LMNTD1: variants seen among roughly 807,000 people sequenced by gnomAD.
The protein encoded by LMNTD1 is lamin tail domain-containing protein 1.
In LMNTD1, 35 loss-of-function variants were observed where a neutral mutation model predicts 50.9. That is an observed-to-expected ratio of 0.69 (90% CI 0.53 to 0.91). The LOEUF (loss-of-function observed/expected upper bound fraction) is 0.91, where lower values mean the gene tolerates loss of function less well. LMNTD1 is among the 40% of genes least tolerant of loss of function. The probability of loss-of-function intolerance (pLI) is 0.00; values close to 1 mark genes in which losing one functional copy is unlikely to be tolerated. For missense variants in LMNTD1, 470 were observed against 475.5 expected (o/e 0.99, Z 0.11); for synonymous variants, 153 against 161.9 (o/e 0.94, Z 0.42).
chr12:25,594,575 G>A (rs1945791430), intron 1 of LMNTD1, among the ~76,000 whole-genome samples: 1 of 133,262 alleles, frequency 7.5e-6, no homozygotes, highest in African/African-American at 2.9e-5. Context: ...TCTAAATCTT[G>A]AAACAAATCC....
chr12:25,590,693 G>A (rs1185400532), intron 1 of LMNTD1, among the ~76,000 whole-genome samples: 1 of 152,170 alleles, frequency 6.6e-6, no homozygotes, highest in African/African-American at 2.4e-5. Context: ...ACTTTGTCTG[G>A]CATCTTGAAC....
At chr12:25,554,868 A>G (rs1943969494), upstream of LMNTD1, among the ~76,000 whole-genome samples, 1 of 152,178 alleles carries the variant, frequency 6.6e-6, no homozygotes. Context: ...GTTCAAGACC[A>G]GTCTGGCCAA....
At chr12:25,479,462 A>G (rs1454951948) in intron 9 of LMNTD1, among the ~76,000 whole-genome samples, 1 of 152,164 alleles carries the variant, frequency 6.6e-6, no homozygotes, top group Non-Finnish European at 1.5e-5. Context: ...AGCCCTGCAA[A>G]GTATTGTCAT....
At chr12:25,537,408 C>A (rs1361825934) in intron 4 of LMNTD1, among the ~76,000 whole-genome samples, 2 of 152,222 alleles carry the variant, frequency 1.3e-5, no homozygotes, top group Non-Finnish European at 2.9e-5. Flanking sequence ...TAAGTGGGTC[C>A]CTGACCCCTG....
intron 3 of LMNTD1, among the ~76,000 whole-genome samples, chr12:25,547,672 T>C (rs1455342736): frequency 6.6e-6 from 1 of 151,850 alleles, no homozygotes; most frequent in East Asian, 1.9e-4. Flanking sequence ...TAGTTCATTC[T>C]CAGTCAAGTA....
intron 9 of LMNTD1, among the ~76,000 whole-genome samples, chr12:25,487,134 T>C (rs1404898406): frequency 6.8e-6 from 1 of 147,986 alleles, no homozygotes; most frequent in Admixed American, 6.8e-5. Flanking sequence ...GAGAGTTCTG[T>C]AGATGTCTAT....
At chr12:25,515,491 G>A (rs1317990052) in intron 8 of LMNTD1, among the ~76,000 whole-genome samples, 2 of 151,988 alleles carry the variant, frequency 1.3e-5, no homozygotes, top group African/African-American at 4.8e-5. Context: ...AGTATAAAAT[G>A]AGAACCAGAA....
chr12:25,521,463 C>T (rs76354274), intron 6 of LMNTD1, among the ~76,000 whole-genome samples: 3,279 of 152,196 alleles, frequency 0.022, 86 homozygotes, highest in African/African-American at 0.059. Flanking sequence ...CCTGTGTGTG[C>T]GGCTTAGCGA....
intron 1 of LMNTD1, among the ~76,000 whole-genome samples, chr12:25,607,512 C>G (rs187889889): frequency 6.6e-6 from 1 of 152,260 alleles, no homozygotes; most frequent in East Asian, 1.9e-4. Flanking sequence ...TAAATGTGTT[C>G]CAGAGATTCT....
intron 2 of LMNTD1, among the ~76,000 whole-genome samples, chr12:25,552,320 T>C (rs1377170317): frequency 1.3e-5 from 2 of 152,012 alleles, no homozygotes; most frequent in Admixed American, 1.3e-4. Flanking sequence ...CTTAACATAT[T>C]AAATGGGAAC....
At chr12:25,514,697 T>C (rs955803803) in intron 8 of LMNTD1, among the ~76,000 whole-genome samples, 1 of 152,138 alleles carries the variant, frequency 6.6e-6, no homozygotes, top group African/African-American at 2.4e-5. Context: ...AGAGGATAAA[T>C]GCTTGAGGGA....
rs1039148604 is a variant in LMNTD1, at chr12:25,622,761, C to G, written c.58+25733G>C. Among the ~76,000 whole-genome samples the G allele has an allele frequency of 2.6e-5, 4 of 152,180 alleles. No homozygotes were observed. In the South Asian group the frequency reaches 8.3e-4, roughly 32 times the overall value. On this transcript the variant is annotated intron_variant, in intron 1 of 7. Coordinates refer to the LMNTD1 transcript ENST00000445693. The stretch of plus-strand genomic sequence containing the variant: ...CAGAGATGATCCCTCTGAAGCTCAA[C>G]TATGAAAACAAACAAAACAAAACAA...
chr12:25,619,252 C>CTCTA (rs1374134268), intron 1 of LMNTD1, among the ~76,000 whole-genome samples: 9 of 84,440 alleles, frequency 1.1e-4, no homozygotes, highest in East Asian at 4.2e-4. Context: ...CTCTCTCTCT[C>CTCTA]TATATATATA....
intron 1 of LMNTD1, among the ~76,000 whole-genome samples, chr12:25,568,051 C>T (rs1476477076): frequency 2.0e-5 from 3 of 152,102 alleles, no homozygotes; most frequent in Non-Finnish European, 4.4e-5. Flanking sequence ...TTCTTAGAGA[C>T]CACTTAAATG....
intron 1 of LMNTD1, among the ~76,000 whole-genome samples, chr12:25,607,121 G>C (rs1221712660): frequency 2.6e-5 from 4 of 152,282 alleles, no homozygotes; most frequent in Admixed American, 2.6e-4. Flanking sequence ...TATTTGCGTA[G>C]AGGTGTTTAT....
At chr12:25,623,028 A>C (rs191475762) in intron 1 of LMNTD1, among the ~76,000 whole-genome samples, 462 of 152,150 alleles carry the variant, frequency 3.0e-3, no homozygotes, top group Middle Eastern at 0.014. Context: ...CACTGAAAAG[A>C]GTTAGCTGTA....
At chr12:25,527,583 A>C (rs545120064) in intron 4 of LMNTD1, among the ~76,000 whole-genome samples, 1 of 145,294 alleles carries the variant, frequency 6.9e-6, no homozygotes, top group African/African-American at 2.5e-5. Context: ...TGGAAATAAG[A>C]TATATCTGTA....
chr12:25,629,777 T>A (rs1470564188), intron 1 of LMNTD1, among the ~76,000 whole-genome samples: 2 of 152,066 alleles, frequency 1.3e-5, no homozygotes, highest in African/African-American at 2.4e-5. Flanking sequence ...GTAAACAAAA[T>A]GGCAGACCAG....
chr12:25,567,872 C>A (rs1292418430), intron 1 of LMNTD1, among the ~76,000 whole-genome samples: 1 of 151,712 alleles, frequency 6.6e-6, no homozygotes, highest in Non-Finnish European at 1.5e-5. Context: ...TTAAGTATTT[C>A]TTTATAGCAA....
Sources: gnomAD v4.1 joint callset for allele counts (sites outside exome capture counted in the v4.1 genomes callset) on GRCh38, gnomAD v4.1.1 for gene constraint, MANE v1.5 for transcripts, NCBI Gene and HGNC (gene_info 2026-07-23, HGNC 2026-07-21) for gene names.